The following CDC42BPB variants were observed in gnomAD, a reference collection of about 807,000 sequenced individuals.
The protein encoded by CDC42BPB is CDC42 binding protein kinase beta.
CDC42BPB carries 37 observed loss-of-function variants against 214.9 expected under a neutral mutation model. The observed-to-expected ratio is 0.17, with a 90% confidence interval of 0.13 to 0.23. CDC42BPB has a LOEUF of 0.23. Ranked by LOEUF, CDC42BPB falls within the 10% of genes least tolerant of loss-of-function variation. The pLI is 1.00. For missense variants in CDC42BPB, 1,694 were observed against 2,227.0 expected (o/e 0.76, Z 4.82); for synonymous variants, 931 against 884.0 (o/e 1.05, Z -0.94).
At chr14:102,997,507 C>T (rs2139585427) in intron 5 of CDC42BPB, among the ~76,000 whole-genome samples, 1 of 152,278 alleles carries the variant, frequency 6.6e-6, no homozygotes, top group East Asian at 1.9e-4. Flanking sequence ...CTTGAAAAGC[C>T]ATCTCAGAAT....
chr14:102,941,237 A>G, intron 30 of CDC42BPB: 4 of 985,468 alleles, frequency 4.1e-6, no homozygotes, highest in Non-Finnish European at 4.8e-6. Context: ...CCCAAATGCA[A>G]GAGAGCTCCA....
rs1337719348 is a variant in CDC42BPB, at chr14:103,038,990, T to TA, written c.175+18008dup. ...AGTAAAGAAGATTATTAAGAAAAAC[T>TA]ATGAACAACTGTATGCCAACAAATT... On this transcript the variant is annotated intron_variant, in intron 1 of 36. Coordinates refer to ENST00000361246, the MANE Select transcript of CDC42BPB (RefSeq NM_006035.4). 3.3e-5 allele frequency among the ~76,000 whole-genome samples: 5 copies of TA among 152,152 alleles called. No homozygotes were observed. In the South Asian group the frequency reaches 8.3e-4, roughly 25 times the overall value.
At chr14:102,984,863 G>C (rs1248602198) in intron 6 of CDC42BPB, among the ~76,000 whole-genome samples, 1 of 152,220 alleles carries the variant, frequency 6.6e-6, no homozygotes, top group Non-Finnish European at 1.5e-5. Flanking sequence ...TGGATCAGCA[G>C]AGAACTCCAC....
chr14:103,053,240 C>G (rs373888642), intron 1 of CDC42BPB, among the ~76,000 whole-genome samples: 1 of 151,722 alleles, frequency 6.6e-6, no homozygotes, highest in Admixed American at 6.6e-5. Context: ...CCCAGCTACT[C>G]GGGAGACTGA....
Position 102,968,694 on chromosome 14 carries a change from G to A in CDC42BPB, c.2018C>T (p.Ala673Val), listed in dbSNP as rs750636528. 2.9e-5 allele frequency: 47 copies of A among 1,614,004 alleles called. No homozygotes were observed. The South Asian group carries it at 3.8e-4, about 13-fold the overall frequency. ...ALKVKQGGRG[A>V]GATLEHQQEI... Reference sequence around the variant, plus strand: ...TTGCTGGTGCTCTAAGGTGGCACCCGCTCCCCGGCCTCCTTGCTTCACCTG... The same window carrying A: ...TTGCTGGTGCTCTAAGGTGGCACCCACTCCCCGGCCTCCTTGCTTCACCTG... Residue 673 changes from alanine to valine, a missense_variant, in exon 15 of 37, where the codon GCG (alanine) becomes GTG (valine). Physicochemically the swap from Ala to Val is moderately conservative, Grantham distance 64. This residue lies in a region of CDC42BPB where 462 missense variants were observed against 513.5 expected (regional missense o/e 0.90). Coordinates refer to ENST00000361246, the MANE Select transcript of CDC42BPB (RefSeq NM_006035.4).
At chr14:102,966,554 G>A in intron 17 of CDC42BPB, 167 bp from the exon 18 acceptor site, 4 of 981,756 alleles carry the variant, frequency 4.1e-6, no homozygotes, top group Non-Finnish European at 3.6e-6. Flanking sequence ...TGATGGATGC[G>A]TCGTTACATT....
chr14:102,949,959 G>A, intron 25 of CDC42BPB, 55 bp from the exon 26 acceptor site: 2 of 1,604,076 alleles, frequency 1.2e-6, no homozygotes, highest in Non-Finnish European at 1.7e-6. Context: ...AGGCCGCCAG[G>A]CCCCATTACA....
At position 102,954,617 on chromosome 14, in the gene CDC42BPB, T is replaced by C. The variant is rs138037625; in HGVS notation, c.2973A>G (p.Ala991=). 1,351 of 1,613,604 alleles carry C rather than the reference T, an allele frequency of 8.4e-4. 2 individuals carry two copies. Among genetic ancestry groups the C allele is most frequent in the Non-Finnish European group, 1.0e-3 (1,192 of 1,179,590 alleles). Residue 991 remains alanine (A), a synonymous_variant, in exon 22 of 37, where the codon GCA becomes GCG. Coordinates refer to ENST00000361246, the MANE Select transcript of CDC42BPB (RefSeq NM_006035.4). ...PEASPSMSVA[A]SEQQEDMARP... is the part of the protein sequence containing the mutation. ...GCTGTCTCACCTCCTGCTGCTCTGA[T>C]GCAGCCACAGACATCGACGGGGACG...
At chr14:103,014,833 G>A (rs1199488004) in intron 1 of CDC42BPB, among the ~76,000 whole-genome samples, 1 of 152,106 alleles carries the variant, frequency 6.6e-6, no homozygotes, top group Non-Finnish European at 1.5e-5. Flanking sequence ...CTCCAGCCTG[G>A]GCGACAGAGT....
intron 3 of CDC42BPB, 88 bp downstream of exon 3, chr14:103,008,384 T>G: frequency 1.2e-6 from 1 of 852,828 alleles, no homozygotes; most frequent in Non-Finnish European, 2.0e-6. Context: ...GGCTGTGGGG[T>G]GGCTGCAGCT....
At chr14:102,937,154 T>C (rs898465452) in intron 36 of CDC42BPB, 1 of 152,282 alleles carries the variant, frequency 6.6e-6, no homozygotes, top group African/African-American at 2.4e-5. Context: ...ATGTCCTCTG[T>C]ATAATGTGAC....
At chr14:102,957,315 T>G (rs1180750207) in intron 21 of CDC42BPB, among the ~76,000 whole-genome samples, 1 of 149,880 alleles carries the variant, frequency 6.7e-6, no homozygotes, top group Non-Finnish European at 1.5e-5. Context: ...TGCTGCCCAC[T>G]CTCCACAGCT....
intron 1 of CDC42BPB, among the ~76,000 whole-genome samples, chr14:103,054,635 T>C (rs1888841716): frequency 6.6e-6 from 1 of 152,244 alleles, no homozygotes; most frequent in African/African-American, 2.4e-5. Context: ...TATGTTAACA[T>C]AAATGAGTTT....
chr14:103,014,749 G>C lies in CDC42BPB; in HGVS notation c.176-2561C>G, dbSNP rs139880822. ...AGCAAATACACATCAGCAGAGATCAGGAAACAGAACAAATGAGTCCTGAGT... is the reference window on the plus strand; with the variant it reads ...AGCAAATACACATCAGCAGAGATCACGAAACAGAACAAATGAGTCCTGAGT... On this transcript the variant is annotated intron_variant, in intron 1 of 36. Transcript: ENST00000361246. Among the ~76,000 whole-genome samples, 10 of 152,176 alleles carry C rather than the reference G, an allele frequency of 6.6e-5. No individual in the cohort carries two copies. The East Asian group carries it at 1.9e-3, about 29-fold the overall frequency.
At chr14:103,047,262 C>A (rs187961830) in intron 1 of CDC42BPB, among the ~76,000 whole-genome samples, 7 of 116,580 alleles carry the variant, frequency 6.0e-5, no homozygotes, top group East Asian at 4.9e-4. Context: ...CCAGCCAGGG[C>A]AACAGAGTAA....
intron 1 of CDC42BPB, among the ~76,000 whole-genome samples, chr14:103,038,198 G>T (rs1232070187): frequency 1.3e-5 from 2 of 151,422 alleles, no homozygotes; most frequent in Non-Finnish European, 2.9e-5. Context: ...AGCTGGGCAT[G>T]GTGGCACATG....
At chr14:102,993,777 T>C (rs185405545) in intron 5 of CDC42BPB, among the ~76,000 whole-genome samples, 32 of 152,094 alleles carry the variant, frequency 2.1e-4, no homozygotes, top group Non-Finnish European at 1.5e-5. Context: ...ACAGGACAAA[T>C]GTATGAAGAG....
chr14:102,977,199 C>T lies in CDC42BPB; in HGVS notation c.1220+927G>A, dbSNP rs34009304. Among the ~76,000 whole-genome samples, 20 of 152,046 alleles carry T rather than the reference C, an allele frequency of 1.3e-4. 1 individual carries two copies. The highest frequency in any genetic ancestry group is 6.8e-3 in the Middle Eastern group (2 of 294). On this transcript the variant is annotated intron_variant, in intron 9 of 36. Coordinates refer to ENST00000361246, the MANE Select transcript of CDC42BPB (RefSeq NM_006035.4). ...ACTAAAATAAAAAAAATTAGTCGGG[C>T]GTGGTGGCGGGCGCCTGTAGTCCCA...
intron 1 of CDC42BPB, among the ~76,000 whole-genome samples, chr14:103,020,013 G>T (rs1198889291): frequency 1.3e-5 from 2 of 152,220 alleles, no homozygotes; most frequent in African/African-American, 4.8e-5. Context: ...AGTGCCCAGG[G>T]TGGGAGGGTC....
Sources: gnomAD v4.1 joint callset for allele counts (sites outside exome capture counted in the v4.1 genomes callset) on GRCh38, gnomAD v4.1.1 for gene constraint, gnomAD v4.1.1 regional missense constraint, MANE v1.5 for transcripts, NCBI Gene and HGNC (gene_info 2026-07-23, HGNC 2026-07-21) for gene names.